The following MTUS1 variants were observed in gnomAD, a reference collection of about 807,000 sequenced individuals.
The protein encoded by MTUS1 is microtubule-associated tumor suppressor 1.
A neutral mutation model predicts 120.8 loss-of-function variants in MTUS1; 109 were observed. That is an observed-to-expected ratio of 0.90 (90% CI 0.77 to 1.06). The LOEUF is 1.06. MTUS1 is among the 50% of genes least tolerant of loss of function. MTUS1 has a pLI of 0.00. For synonymous variants in MTUS1, 737 were observed against 550.5 expected (o/e 1.34, Z -4.74); for missense variants, 2,210 against 1,486.3 (o/e 1.49, Z -8.01).
At chr8:17,702,710 C>G (rs928516653) in intron 6 of MTUS1, among the ~76,000 whole-genome samples, 1 of 152,134 alleles carries the variant, frequency 6.6e-6, no homozygotes, top group African/African-American at 2.4e-5. Flanking sequence ...GGACTTTCTT[C>G]TTTTTAAAGG....
At position 17,733,260 on chromosome 8, in the gene MTUS1, A is replaced by C. The variant is rs890489292; in HGVS notation, c.2288-9427T>G. The stretch of plus-strand genomic sequence containing the variant: ...CAGCTACTCGGTAGGCTGAGGCAGG[A>C]GAATCGCTTAAACCAGGGAGGTGGA... On this transcript the variant is annotated intron_variant, in intron 3 of 14. Coordinates refer to ENST00000693296, the MANE Select transcript of MTUS1 (RefSeq NM_001363059.2). 5.3e-5 allele frequency among the ~76,000 whole-genome samples: 8 copies of C among 152,112 alleles called. No homozygotes were observed. In the South Asian group the frequency reaches 1.0e-3, roughly 20 times the overall value.
At position 17,644,846 on chromosome 8, in the gene MTUS1, G is replaced by C. The variant is rs190557766; in HGVS notation, c.*1080C>G. On this transcript the variant is annotated 3_prime_UTR_variant, in exon 15 of 15. Coordinates refer to ENST00000693296, the MANE Select transcript of MTUS1 (RefSeq NM_001363059.2). ...ACCTGGAAGATGAGCTGGCTCTGGG[G>C]CTCTGGAAAATCATATTCCTTTATC... The C allele has an allele frequency of 6.6e-6, 1 of 152,172 alleles. No individual in the cohort carries two copies. Among genetic ancestry groups the C allele is most frequent in the Non-Finnish European group, 1.5e-5 (1 of 68,040 alleles). The allele number at this position is 152,172 out of a possible 1,614,324, so 9.4% of individuals were successfully genotyped here. A position where few individuals can be genotyped will look rare whatever the true frequency, so the allele number is the denominator to read the frequency against.
chr8:17,652,329 CAT>C (rs1807183319), intron 12 of MTUS1, among the ~76,000 whole-genome samples: 2 of 152,210 alleles, frequency 1.3e-5, no homozygotes, highest in African/African-American at 2.4e-5. Flanking sequence ...GAAATACTAA[CAT>C]AGGCTACACC....
intron 1 of MTUS1, among the ~76,000 whole-genome samples, chr8:17,799,416 A>T (rs919950771): frequency 3.3e-5 from 5 of 151,990 alleles, no homozygotes; most frequent in Admixed American, 2.6e-4. Flanking sequence ...ACTATAAAAA[A>T]TTTTTCTATA....
At chr8:17,733,276 GGGAGGT>G (rs1348958885) in intron 3 of MTUS1, among the ~76,000 whole-genome samples, 1 of 151,902 alleles carries the variant, frequency 6.6e-6, no homozygotes, top group African/African-American at 2.4e-5. Flanking sequence ...GCTTAAACCA[GGGAGGT>G]GGAGGTTGCA....
At position 17,754,765 on chromosome 8, in the gene MTUS1, T is replaced by C; in HGVS notation, c.1043A>G (p.Asp348Gly). ...AGCTGGCACCATTAAAGGGCATTCA[T>C]CATCAATAAGACAATAGGACACTGT... ...RETVSYCLID[D>G]ECPLMVPAFD... Residue 348 changes from aspartate (D) to glycine (G), a missense_variant, in exon 2 of 15, where the codon GAT becomes GGT. Asp to Gly is a moderately conservative substitution (Grantham distance 94, BLOSUM62 -1). Transcript: ENST00000693296. 1 of 1,614,260 alleles carries C rather than the reference T, an allele frequency of 6.2e-7. No individual in the cohort carries two copies. The highest frequency in any genetic ancestry group is 8.5e-7 in the Non-Finnish European group (1 of 1,180,046).
intron 6 of MTUS1, among the ~76,000 whole-genome samples, chr8:17,694,891 C>A (rs2130861225): frequency 6.6e-6 from 1 of 152,214 alleles, no homozygotes; most frequent in South Asian, 2.1e-4. Flanking sequence ...CTAAGGGGAA[C>A]CTGGAAGTCA....
intron 8 of MTUS1, among the ~76,000 whole-genome samples, chr8:17,663,823 T>G (rs1438582981): frequency 6.6e-6 from 1 of 152,180 alleles, no homozygotes; most frequent in Non-Finnish European, 1.5e-5. Context: ...CTCGAACTCC[T>G]GACCTCAAAT....
intron 1 of MTUS1, among the ~76,000 whole-genome samples, chr8:17,762,997 C>CTT (rs35362554): frequency 0.017 from 2,462 of 146,586 alleles, 80 homozygotes; most frequent in African/African-American, 0.055. Flanking sequence ...CCAATGGTAC[C>CTT]TTTTTTTTTT....
At chr8:17,669,516 C>A (rs1221873786) in intron 8 of MTUS1, among the ~76,000 whole-genome samples, 1 of 152,010 alleles carries the variant, frequency 6.6e-6, no homozygotes, top group East Asian at 1.9e-4. Flanking sequence ...ATTTTTTCCC[C>A]CAAGGCCAAA....
At chr8:17,743,545 A>G in intron 3 of MTUS1, 59 bp downstream of exon 3, 1 of 1,517,372 alleles carries the variant, frequency 6.6e-7, no homozygotes, top group Non-Finnish European at 9.0e-7. Context: ...ACCTATAATC[A>G]TGACTGTCCA....
intron 3 of MTUS1, chr8:17,734,321 C>T (rs1307535446): frequency 6.6e-6 from 1 of 152,208 alleles, no homozygotes; most frequent in Non-Finnish European, 1.5e-5. Flanking sequence ...TTGAGTTCAT[C>T]AAGGCAATAG....
chr8:17,673,401 C>T (rs3862090), intron 8 of MTUS1, among the ~76,000 whole-genome samples: 21,910 of 152,064 alleles, frequency 0.14, 1,700 homozygotes, highest in African/African-American at 0.19. Flanking sequence ...AGAATCTGGA[C>T]GGTTAGTCAG....
Position 17,644,015 on chromosome 8 carries a change from A to ATATT in MTUS1, c.*1907_*1910dup, listed in dbSNP as rs370560685. On this transcript the variant is annotated 3_prime_UTR_variant, in exon 15 of 15. Transcript: ENST00000693296. ...CTCTCCCATCCTCCAAAGATGTTTT[A>ATATT]TATTAACTGCTATGAGATTTATTTG... 6.6e-6 allele frequency: 1 copy of ATATT among 152,316 alleles called. No individual in the cohort carries two copies. Among genetic ancestry groups the ATATT allele is most frequent in the East Asian group, 1.9e-4 (1 of 5,188 alleles). The allele number at this position is 152,316 out of a possible 1,614,324, so 9.4% of individuals were successfully genotyped here.
In MTUS1 at chr8:17,755,111, C is replaced by G. The variant is rs1279440485; in HGVS notation, c.697G>C (p.Val233Leu). The G allele has an allele frequency of 5.6e-6, 9 of 1,613,872 alleles. No homozygotes were observed. Among genetic ancestry groups the G allele is most frequent in the Non-Finnish European group, 6.8e-6 (8 of 1,180,040 alleles). ...ATGTCTTGGGCTTCTGATGGTGTGA[C>G]TTGAGGGTTTTCAAAGCTTTCTCTA... is the stretch of plus-strand genomic sequence containing the variant. ...YDRESFENPQ[V>L]TPSEAQDMTY... The change falls in exon 2 of 15, where the codon GTC becomes CTC. Residue 233 changes from valine to leucine, a missense_variant. Transcript: ENST00000693296.
In MTUS1 at chr8:17,670,143, C is replaced by T. The variant is rs1367405193; in HGVS notation, c.2905+5043G>A. Among the ~76,000 whole-genome samples the T allele has an allele frequency of 2.0e-5, 3 of 152,158 alleles. No individual in the cohort carries two copies. In the East Asian group the frequency reaches 5.8e-4, roughly 29 times the overall value. ...GGGTGGTAAGTGAATCATATCGACCCTGCCAAAGCTGAGGAACAGGGGTGA... is the reference window on the plus strand; with the variant it reads ...GGGTGGTAAGTGAATCATATCGACCTTGCCAAAGCTGAGGAACAGGGGTGA... On this transcript the variant is annotated intron_variant, in intron 8 of 14. Coordinates refer to ENST00000693296, the MANE Select transcript of MTUS1 (RefSeq NM_001363059.2).
chr8:17,693,289 A>C (rs1817314826), intron 6 of MTUS1: 1 of 152,208 alleles, frequency 6.6e-6, no homozygotes, highest in Non-Finnish European at 1.5e-5. Flanking sequence ...TGGACTTCTT[A>C]GATTTTCATC....
In MTUS1 at chr8:17,662,349, A is replaced by ATTTT. The variant is rs35308070; in HGVS notation, c.2906-6288_2906-6285dup. On this transcript the variant is annotated intron_variant, in intron 8 of 14. Transcript: ENST00000693296. ...AAGTCAAAGTAGTCTTTTTGTCCCT[A>ATTTT]TTTTTTTTTTTTTTTTTTTTTTTTG... Among the ~76,000 whole-genome samples, 112 of 112,676 alleles carry ATTTT rather than the reference A, an allele frequency of 9.9e-4. 2 individuals carry two copies. The highest frequency in any genetic ancestry group is 5.2e-3 in the Middle Eastern group (1 of 194). 73.9% of individuals were successfully genotyped at this position (112,676 alleles called of 152,430 possible).
chr8:17,771,950 A>G (rs1294490073), intron 1 of MTUS1, among the ~76,000 whole-genome samples: 1 of 152,210 alleles, frequency 6.6e-6, no homozygotes, highest in Non-Finnish European at 1.5e-5. Flanking sequence ...CTATGGACAG[A>G]AACTTCACTG....
Sources: gnomAD v4.1 joint callset for allele counts (sites outside exome capture counted in the v4.1 genomes callset) on GRCh38, gnomAD v4.1.1 for gene constraint, MANE v1.5 for transcripts, NCBI Gene and HGNC (gene_info 2026-07-23, HGNC 2026-07-21) for gene names.